Variants in ESYT2 observed in about 807,000 individuals in gnomAD.
ESYT2 encodes extended synaptotagmin 2.
A neutral mutation model predicts 107.2 loss-of-function variants in ESYT2; 54 were observed. The observed-to-expected ratio is 0.50, with a 90% CI of 0.40 to 0.63. ESYT2 has a LOEUF of 0.63. Among genes scored for constraint, ESYT2 ranks in the 30% least tolerant of loss-of-function variants. The pLI, the probability that ESYT2 is intolerant of heterozygous loss-of-function variation, is 0.00. For missense variants in ESYT2, 1,020 were observed against 1,094.5 expected, an observed-to-expected ratio of 0.93 and a Z score of 0.96; for synonymous variants, 491 against 434.1, an observed-to-expected ratio of 1.13 and a Z score of -1.63.
intron 11 of ESYT2, among the ~76,000 whole-genome samples, chr7:158,760,872 C>A (rs1199019613): frequency 6.6e-6 from 1 of 152,230 alleles, no homozygotes. Flanking sequence ...CGAGATGTCA[C>A]AGCCAATGAA....
intron 1 of ESYT2, among the ~76,000 whole-genome samples, chr7:158,801,663 C>G (rs1340307472): frequency 6.6e-6 from 1 of 151,728 alleles, no homozygotes; most frequent in Non-Finnish European, 1.5e-5. Flanking sequence ...TCAAATCTCT[C>G]TTAAGTTCTA....
chr7:158,777,173 G>C (rs1367723102), intron 6 of ESYT2, among the ~76,000 whole-genome samples: 1 of 152,018 alleles, frequency 6.6e-6, no homozygotes, highest in East Asian at 1.9e-4. Context: ...CTGAAAGTGA[G>C]AGGCGTTCAA....
intron 1 of ESYT2, among the ~76,000 whole-genome samples, chr7:158,828,238 AG>A (rs1840512674): frequency 6.6e-6 from 1 of 152,260 alleles, no homozygotes; most frequent in South Asian, 2.1e-4. Flanking sequence ...TCCCGGTAGA[AG>A]AAAAAGTTAA....
intron 1 of ESYT2, among the ~76,000 whole-genome samples, chr7:158,805,004 C>G (rs1839784438): frequency 6.6e-6 from 1 of 152,206 alleles, no homozygotes; most frequent in African/African-American, 2.4e-5. Context: ...GTATTCCTGA[C>G]AGTGGACGAG....
intron 16 of ESYT2, among the ~76,000 whole-genome samples, chr7:158,746,512 G>GAA (rs748871026): frequency 4.0e-5 from 3 of 74,706 alleles, no homozygotes; most frequent in Non-Finnish European, 8.9e-5. Context: ...CCTGCCTCAA[G>GAA]AAAAAAAAAA....
chr7:158,750,429 C>T (rs1313603745), intron 14 of ESYT2, among the ~76,000 whole-genome samples: 1 of 152,012 alleles, frequency 6.6e-6, no homozygotes, highest in Non-Finnish European at 1.5e-5. Flanking sequence ...CTTAGCCCCA[C>T]AAGAAGATGC....
chr7:158,780,158 A>G (rs547269187), intron 6 of ESYT2, among the ~76,000 whole-genome samples: 1 of 152,332 alleles, frequency 6.6e-6, no homozygotes, highest in African/African-American at 2.4e-5. Flanking sequence ...TTCCATTTTA[A>G]TGATAAACTG....
At chr7:158,802,293 A>ATT (rs113165168) in intron 1 of ESYT2, among the ~76,000 whole-genome samples, 17 of 149,440 alleles carry the variant, frequency 1.1e-4, no homozygotes, top group Non-Finnish European at 1.8e-4. Context: ...CGATATAAGC[A>ATT]TTTTTTTTTT....
intron 7 of ESYT2, among the ~76,000 whole-genome samples, chr7:158,771,154 C>G (rs1838354829): frequency 6.6e-6 from 1 of 152,180 alleles, no homozygotes; most frequent in Non-Finnish European, 1.5e-5. Context: ...TCAACTTCCC[C>G]AAACTGTAGG....
At chr7:158,782,599 C>A (rs1838943401) in intron 6 of ESYT2, among the ~76,000 whole-genome samples, 1 of 150,374 alleles carries the variant, frequency 6.7e-6, no homozygotes, top group East Asian at 1.9e-4. Context: ...TGTGAAGGAA[C>A]AAGAGCGTGT....
In ESYT2 at chr7:158,741,717, C is replaced by T; in HGVS notation, c.1974G>A (p.Lys658=). 1.9e-6 allele frequency: 3 copies of T among 1,614,126 alleles called. No individual in the cohort carries two copies. Among genetic ancestry groups the T allele is most frequent in the Non-Finnish European group, 2.5e-6 (3 of 1,180,030 alleles). The change falls in exon 18 of 23, where the codon AAG becomes AAA. Residue 658 remains lysine, a synonymous_variant. Coordinates refer to ENST00000275418, the MANE Select transcript of ESYT2 (RefSeq NM_001367773.1). ...PSTPVIGGSD[K]PGMEEKAQPP... ...GCTGGGCCTTTTCTTCCATACCAGGCTTATCACTGCCCCCAATGACTGGTG... is the reference window on the plus strand; with the variant it reads ...GCTGGGCCTTTTCTTCCATACCAGGTTTATCACTGCCCCCAATGACTGGTG...
At chr7:158,755,294 C>T (rs142882290) in intron 13 of ESYT2, among the ~76,000 whole-genome samples, 1 of 152,122 alleles carries the variant, frequency 6.6e-6, no homozygotes, top group African/African-American at 2.4e-5. Context: ...TCTGGCTTCA[C>T]GTTGAAAACC....
chr7:158,740,563 C>G, intron 18 of ESYT2, among the ~76,000 whole-genome samples: 1 of 152,190 alleles, frequency 6.6e-6, no homozygotes. Flanking sequence ...TTCCATTTCT[C>G]TCTGCTCAAG....
chr7:158,812,956 C>T (rs1310763584), intron 1 of ESYT2, among the ~76,000 whole-genome samples: 1 of 152,020 alleles, frequency 6.6e-6, no homozygotes, highest in Non-Finnish European at 1.5e-5. Context: ...CGAATGGGCA[C>T]AAAACAGGGT....
chr7:158,826,023 A>G (rs1397497402), intron 1 of ESYT2, among the ~76,000 whole-genome samples: 1 of 149,656 alleles, frequency 6.7e-6, no homozygotes, highest in African/African-American at 2.5e-5. Context: ...CATCTCTAGA[A>G]AAAAAAAAAA....
chr7:158,819,487 AAT>A (rs1840233710), intron 1 of ESYT2, among the ~76,000 whole-genome samples: 1 of 152,230 alleles, frequency 6.6e-6, no homozygotes, highest in Admixed American at 6.5e-5. Flanking sequence ...ATGATACTGC[AAT>A]AGTCAAAGTC....
At chr7:158,778,905 T>C (rs1301603889) in intron 6 of ESYT2, among the ~76,000 whole-genome samples, 1 of 151,902 alleles carries the variant, frequency 6.6e-6, no homozygotes, top group Non-Finnish European at 1.5e-5. Context: ...GATTAAAAAG[T>C]ATGTTTCTGT....
intron 8 of ESYT2, among the ~76,000 whole-genome samples, chr7:158,767,273 A>G (rs890553116): frequency 4.6e-5 from 7 of 152,252 alleles, no homozygotes; most frequent in African/African-American, 1.2e-4. Flanking sequence ...TGAAGCTCTC[A>G]TCATGACTGC....
chr7:158,814,319 A>G (rs1326455274), intron 1 of ESYT2, among the ~76,000 whole-genome samples: 1 of 9,698 alleles, frequency 1.0e-4, no homozygotes, highest in African/African-American at 2.3e-4. Context: ...ATATATATAT[A>G]TATATATATA....
Sources: allele counts gnomAD v4.1 joint callset (sites outside exome capture counted in the v4.1 genomes callset), GRCh38; gene constraint gnomAD v4.1.1; transcripts MANE v1.5; gene names NCBI Gene and HGNC (gene_info 2026-07-23, HGNC 2026-07-21).